The following ZNF525 variants were observed in gnomAD, a reference collection of about 807,000 sequenced individuals.
ZNF525 encodes the protein zinc finger protein 525.
A neutral mutation model predicts 37.6 loss-of-function variants in ZNF525; 33 were observed. The observed-to-expected ratio is 0.88, with a 90% CI of 0.67 to 1.17. The LOEUF (loss-of-function observed/expected upper bound fraction) is 1.17, where lower values mean the gene tolerates loss of function less well. Ranked by LOEUF, ZNF525 falls within the 50% of genes most tolerant of loss-of-function variation. The probability of loss-of-function intolerance (pLI) is 0.00; values close to 1 mark genes in which losing one functional copy is unlikely to be tolerated. For missense variants in ZNF525, 449 were observed against 543.1 expected (o/e 0.83, Z 1.72); for synonymous variants, 170 against 182.3 (o/e 0.93, Z 0.54).
chr19:53,377,842 G>A (rs1419485853), intron 3 of ZNF525, among the ~76,000 whole-genome samples: 4 of 152,122 alleles, frequency 2.6e-5, no homozygotes, highest in Admixed American at 2.6e-4. Context: ...TTACAGGTGT[G>A]AACCACCTCA....
rs1568761475 is a variant in ZNF525 at position 53,380,823 on chromosome 19, A to G, written c.244A>G (p.Ile82Val). ...GTLQRHERHH[I>V]GDFSFQEIEK... ...ATTGCAAAGACATGAACGTCATCAC[A>G]TTGGAGATTTTTCCTTCCAGGAAAT... Residue 82 changes from isoleucine (I) to valine (V), a missense_variant, in exon 4 of 4, where the codon ATT (isoleucine) becomes GTT (valine). By Grantham distance (29) the Ile-to-Val change is conservative. Coordinates refer to ENST00000474037, the MANE Select transcript of ZNF525 (RefSeq NM_001348156.2). 1 of 1,433,328 alleles carries G rather than the reference A, an allele frequency of 7.0e-7. No individual in the cohort carries two copies. 88.8% of individuals were successfully genotyped at this position (1,433,328 alleles called of 1,614,324 possible).
intron 1 of ZNF525, among the ~76,000 whole-genome samples, chr19:53,369,836 T>C (rs2085473589): frequency 7.8e-6 from 1 of 128,708 alleles, no homozygotes; most frequent in African/African-American, 3.2e-5. Context: ...GCCATTCTCC[T>C]GCCTCAGCCT....
At chr19:53,366,583 A>G (rs146446311) in intron 1 of ZNF525, among the ~76,000 whole-genome samples, 2,414 of 150,180 alleles carry the variant, frequency 0.016, 69 homozygotes, top group African/African-American at 0.052. Context: ...AAAAGCAACT[A>G]GAGAAATGTA....
chr19:53,382,499 T>A lies in ZNF525; in HGVS notation c.*480T>A. On this transcript the variant is annotated 3_prime_UTR_variant, in exon 4 of 4. Coordinates refer to ENST00000474037, the MANE Select transcript of ZNF525 (RefSeq NM_001348156.2). ...ATAAATCTTATAAGTGTAATGAGTGTGGCAAGACCTTCAGTAAGGAGTTAA... is the reference window on the plus strand; with the variant it reads ...ATAAATCTTATAAGTGTAATGAGTGAGGCAAGACCTTCAGTAAGGAGTTAA... 1.4e-6 allele frequency: 1 copy of A among 696,384 alleles called. No homozygotes were observed. Among genetic ancestry groups the A allele is most frequent in the Admixed American group, 1.8e-5 (1 of 54,102 alleles). 43.1% of individuals were successfully genotyped at this position (696,384 alleles called of 1,614,324 possible). A position where few individuals can be genotyped will look rare whatever the true frequency, so the allele number is the denominator to read the frequency against.
At chr19:53,366,582 T>G (rs2085447227) in intron 1 of ZNF525, among the ~76,000 whole-genome samples, 1 of 139,604 alleles carries the variant, frequency 7.2e-6, no homozygotes, top group African/African-American at 2.7e-5. Context: ...GAAAAGCAAC[T>G]AGAGAAATGT....
rs181352645 is a variant in ZNF525 at position 53,372,934 on chromosome 19, C to T, written c.15+638C>T. 2.0e-3 allele frequency among the ~76,000 whole-genome samples: 305 copies of T among 152,150 alleles called. 1 individual carries two copies. The highest frequency in any genetic ancestry group is 3.4e-3 in the Non-Finnish European group (228 of 68,010). On this transcript the variant is annotated intron_variant, in intron 2 of 3. Transcript: ENST00000474037. Reference sequence around the variant, plus strand: ...TGCAGCATATTAAGCTCATGGAGACCGTGGTGTTACTGTGGAGAGGCTTGT... The same window carrying T: ...TGCAGCATATTAAGCTCATGGAGACTGTGGTGTTACTGTGGAGAGGCTTGT...
chr19:53,369,938 A>C (rs1473242136), intron 1 of ZNF525, among the ~76,000 whole-genome samples: 2 of 145,980 alleles, frequency 1.4e-5, no homozygotes, highest in Admixed American at 6.8e-5. Context: ...GTTAGCCAGG[A>C]TGGTCTCGAT....
intron 2 of ZNF525, among the ~76,000 whole-genome samples, chr19:53,372,800 G>A (rs2085496611): frequency 1.3e-5 from 2 of 152,262 alleles, no homozygotes; most frequent in South Asian, 4.1e-4. Flanking sequence ...TTAGTAATTA[G>A]AATGGAAAGT....
Position 53,381,653 on chromosome 19 carries a change from A to AGAAT in ZNF525, c.1076_1079dup (p.Cys360Ter), listed in dbSNP as rs751920747. 1.8e-6 allele frequency: 2 copies of AGAAT among 1,126,176 alleles called. No individual in the cohort carries two copies. Among genetic ancestry groups the AGAAT allele is most frequent in the South Asian group, 2.5e-5 (2 of 81,048 alleles). The allele number at this position is 1,126,176 out of a possible 1,614,324, so 69.8% of individuals were successfully genotyped here. Reference sequence around the variant, plus strand: ...CTGGAAAGAAACCTTACGAATGTGAAGAATGTGACAAAGCTTTCAGTTTCA... The same window carrying AGAAT: ...CTGGAAAGAAACCTTACGAATGTGAAGAATGAATGTGACAAAGCTTTCAGTTTCA... On this transcript the variant is annotated frameshift_variant, in exon 4 of 4. Transcript: ENST00000474037. LOFTEE classifies it high-confidence loss of function.
chr19:53,381,719 G>C lies in ZNF525; in HGVS notation c.1140G>C (p.Glu380Asp). 3.7e-6 allele frequency: 4 copies of C among 1,085,252 alleles called. No individual in the cohort carries two copies. Among genetic ancestry groups the C allele is most frequent in the Non-Finnish European group, 5.7e-6 (4 of 696,670 alleles). The allele number at this position is 1,085,252 out of a possible 1,614,324, so 67.2% of individuals were successfully genotyped here. Reference protein sequence around the residue: ...LESHRITHTGEKPYKCNDCGK... With the variant: ...LESHRITHTGDKPYKCNDCGK... Reference sequence around the variant, plus strand: ...GTCATAGGATAACTCATACTGGAGAGAAACCATACAAGTGTAATGATTGTG... The same window carrying C: ...GTCATAGGATAACTCATACTGGAGACAAACCATACAAGTGTAATGATTGTG... Residue 380 changes from glutamate to aspartate, a missense_variant, in exon 4 of 4, where the codon GAG (glutamate) becomes GAC (aspartate). Physicochemically the swap from Glu to Asp is conservative, Grantham distance 45. Around this residue, in one of 2 missense-constraint regions of ZNF525, gnomAD observed 178 missense variants for 161.5 expected, o/e 1.10. Coordinates refer to ENST00000474037, the MANE Select transcript of ZNF525 (RefSeq NM_001348156.2).
intron 3 of ZNF525, chr19:53,376,375 G>A (rs1161704580): frequency 4.3e-6 from 3 of 693,736 alleles, no homozygotes; most frequent in Non-Finnish European, 7.9e-6. Context: ...TTAAATATTT[G>A]CATTTGAAAT....
chr19:53,381,330 G>A lies in ZNF525; in HGVS notation c.751G>A (p.Val251Ile), dbSNP rs1306225972. The change falls in exon 4 of 4, where the codon GTC (valine) becomes ATC (isoleucine). Residue 251 changes from valine (V) to isoleucine (I), a missense_variant. This residue lies in a region of ZNF525 where 271 missense variants were observed against 381.6 expected (regional missense o/e 0.71). Transcript: ENST00000474037. ...KQYKCDVCDK[V>I]FIRKRYLARH... ...ATATAAATGTGATGTATGTGACAAG[G>A]TCTTTATTCGGAAGCGATACCTTGC... 2 of 1,542,656 alleles carry A rather than the reference G, an allele frequency of 1.3e-6. No homozygotes were observed. The highest frequency in any genetic ancestry group is 2.2e-5 in the East Asian group (1 of 44,520).
rs1025431222 is a variant in ZNF525 at position 53,384,959 on chromosome 19, A to G, written c.*2940A>G. On this transcript the variant is annotated 3_prime_UTR_variant, in exon 4 of 4. Transcript: ENST00000474037. ...ATTGTTGAGGTAAATTTCCTTTTCT[A>G]TTTTGTTTAGGATTTCTATGATGAC... 26 of 701,634 alleles carry G rather than the reference A, an allele frequency of 3.7e-5. No individual in the cohort carries two copies. Among genetic ancestry groups the G allele is most frequent in the Admixed American group, 1.0e-4 (5 of 49,758 alleles). The allele number at this position is 701,634 out of a possible 1,614,324, so 43.5% of individuals were successfully genotyped here. A position where few individuals can be genotyped will look rare whatever the true frequency, so the allele number is the denominator to read the frequency against.
intron 1 of ZNF525, among the ~76,000 whole-genome samples, chr19:53,366,862 C>T (rs1400646876): frequency 2.0e-5 from 3 of 151,616 alleles, no homozygotes; most frequent in African/African-American, 4.9e-5. Flanking sequence ...GATGGTGTTG[C>T]GGGAAACTGA....
intron 1 of ZNF525, among the ~76,000 whole-genome samples, chr19:53,366,795 G>T (rs2085450134): frequency 8.2e-6 from 1 of 121,598 alleles, no homozygotes; most frequent in Admixed American, 8.3e-5. Context: ...AGAGAGTGGG[G>T]ACAGGGGGTA....
At position 53,370,883 on chromosome 19, in the gene ZNF525, C is replaced by A. The variant is rs139108446; in HGVS notation, c.-67-1332C>A. ...AGCCCAACTCCTCACTGTGGCTCCA[C>A]AGCCCTGTGTCCAGGGCCCCTGCCA... is the stretch of plus-strand genomic sequence containing the variant. On this transcript the variant is annotated intron_variant, in intron 1 of 3. Coordinates refer to ENST00000474037, the MANE Select transcript of ZNF525 (RefSeq NM_001348156.2). Among the ~76,000 whole-genome samples, 1,088 of 152,338 alleles carry A rather than the reference C, an allele frequency of 7.1e-3. 13 individuals are homozygous for A. The highest frequency in any genetic ancestry group is 0.025 in the African/African-American group (1,038 of 41,582).
chr19:53,370,121 C>G (rs1341113635), intron 1 of ZNF525, among the ~76,000 whole-genome samples: 1 of 151,198 alleles, frequency 6.6e-6, no homozygotes, highest in African/African-American at 2.4e-5. Flanking sequence ...TTCCAGGCCC[C>G]CATGTAATAA....
intron 1 of ZNF525, among the ~76,000 whole-genome samples, chr19:53,367,456 G>A (rs2085456594): frequency 2.0e-5 from 3 of 152,114 alleles, no homozygotes; most frequent in Admixed American, 2.0e-4. Context: ...TTTATACAGA[G>A]CTATTAGCTG....
chr19:53,376,761 A>C (rs894841237), intron 3 of ZNF525, among the ~76,000 whole-genome samples: 1 of 152,192 alleles, frequency 6.6e-6, no homozygotes, highest in Non-Finnish European at 1.5e-5. Context: ...ACCTGAGGTC[A>C]GGAGTTCAAA....
Sources: allele counts gnomAD v4.1 joint callset (sites outside exome capture counted in the v4.1 genomes callset), GRCh38; gene constraint gnomAD v4.1.1; regional missense constraint gnomAD v4.1.1; transcripts MANE v1.5; gene names NCBI Gene and HGNC (gene_info 2026-07-23, HGNC 2026-07-21).